Variants in MAP3K4 observed in about 807,000 individuals in gnomAD.
MAP3K4 encodes the protein mitogen-activated protein kinase kinase kinase 4.
MAP3K4 carries 67 observed loss-of-function variants against 185.6 expected under a neutral mutation model. The ratio of observed to expected loss-of-function variants is 0.36; its 90% confidence interval spans 0.30 to 0.44. The LOEUF (loss-of-function observed/expected upper bound fraction) is 0.44, where lower values mean the gene tolerates loss of function less well. MAP3K4 is among the 20% of genes least tolerant of loss of function. The pLI is 1.00. For synonymous variants in MAP3K4, 702 were observed against 710.4 expected (o/e 0.99, Z 0.19); for missense variants, 1,551 against 1,995.1 (o/e 0.78, Z 4.24).
chr6:161,008,293 T>C lies in MAP3K4; in HGVS notation c.152+16210T>C, dbSNP rs1220342339. ...AGGATGTTTCTGTTTCTTTTACTGT[T>C]ATGAATGAGGTTAAAAGCATTGTTT... On this transcript the variant is annotated intron_variant, in intron 1 of 26. Coordinates refer to ENST00000392142, the MANE Select transcript of MAP3K4 (RefSeq NM_005922.4). The surrounding 1 kb of genome is among the most constrained non-coding windows in gnomAD (Gnocchi z 4.1). 6.6e-6 allele frequency among the ~76,000 whole-genome samples: 1 copy of C among 152,214 alleles called. No individual in the cohort carries two copies. The highest frequency in any genetic ancestry group is 6.5e-5 in the Admixed American group (1 of 15,284).
chr6:161,031,541 C>T (rs1403714198), intron 1 of MAP3K4, among the ~76,000 whole-genome samples: 5 of 152,018 alleles, frequency 3.3e-5, no homozygotes, highest in Admixed American at 1.3e-4. Flanking sequence ...TAGATCGTGA[C>T]GCTCCTCAGG....
At chr6:160,992,523 T>C (rs553238009) in intron 1 of MAP3K4, among the ~76,000 whole-genome samples, 1 of 152,300 alleles carries the variant, frequency 6.6e-6, no homozygotes, top group South Asian at 2.1e-4. Context: ...GTACTGGCTA[T>C]TTCCCCGCGT....
chr6:161,113,681 A>C (rs1391883022), intron 25 of MAP3K4, among the ~76,000 whole-genome samples: 1 of 152,162 alleles, frequency 6.6e-6, no homozygotes, highest in Non-Finnish European at 1.5e-5. Context: ...AAACTGCTCT[A>C]AAAAGATTGT....
rs904578430 is a variant in MAP3K4 at position 161,112,017 on chromosome 6, G to T, written c.4519+59G>T. On this transcript the variant is annotated intron_variant, in intron 24 of 26. Coordinates refer to ENST00000392142, the MANE Select transcript of MAP3K4 (RefSeq NM_005922.4). This position sits in a 1 kb window ranked among gnomAD's most constrained non-coding sequence, Gnocchi z 5.1. ...ACTTCATGCAGCCTGCTTGGGGCCT[G>T]CATGTTCCCTTCACCTTTGTTTGTC... 6.3e-7 allele frequency: 1 copy of T among 1,591,728 alleles called. No individual in the cohort carries two copies. Among genetic ancestry groups the T allele is most frequent in the South Asian group, 1.1e-5 (1 of 86,992 alleles).
intron 1 of MAP3K4, among the ~76,000 whole-genome samples, chr6:161,032,238 T>C (rs1782963652): frequency 6.6e-6 from 1 of 152,176 alleles, no homozygotes; most frequent in African/African-American, 2.4e-5. Context: ...ATGTTAAAAG[T>C]GCTTCCAGGC....
chr6:161,008,907 A>T lies in MAP3K4; in HGVS notation c.152+16824A>T, dbSNP rs1194958762. Among the ~76,000 whole-genome samples the T allele has an allele frequency of 6.6e-6, 1 of 151,756 alleles. No individual in the cohort carries two copies. The highest frequency in any genetic ancestry group is 1.5e-5 in the Non-Finnish European group (1 of 67,958). The stretch of plus-strand genomic sequence containing the variant: ...AATACTTGTTACTGCAAAATGTGTA[A>T]CATTTTGCTCAATGGGTATAATGTT... On this transcript the variant is annotated intron_variant, in intron 1 of 26. Coordinates refer to ENST00000392142, the MANE Select transcript of MAP3K4 (RefSeq NM_005922.4). The surrounding 1 kb of genome is among the most constrained non-coding windows in gnomAD (Gnocchi z 4.1).
Position 161,074,991 on chromosome 6 carries a change from G to A in MAP3K4, c.2097+1379G>A, listed in dbSNP as rs1465828838. Among the ~76,000 whole-genome samples the A allele has an allele frequency of 1.3e-5, 2 of 152,178 alleles. No individual in the cohort carries two copies. Among genetic ancestry groups the A allele is most frequent in the Non-Finnish European group, 2.9e-5 (2 of 68,034 alleles). On this transcript the variant is annotated intron_variant, in intron 5 of 26. Coordinates refer to ENST00000392142, the MANE Select transcript of MAP3K4 (RefSeq NM_005922.4). This position sits in a 1 kb window ranked among gnomAD's most constrained non-coding sequence, Gnocchi z 5.0. ...TGCCATGGAGGCTGGGAATGCACAT[G>A]TTGAGCTTTCCAGCCTCTGTAGTAG... is the stretch of plus-strand genomic sequence containing the variant.
chr6:161,027,795 C>T (rs1415725939), intron 1 of MAP3K4, among the ~76,000 whole-genome samples: 1 of 152,144 alleles, frequency 6.6e-6, no homozygotes, highest in Non-Finnish European at 1.5e-5. Context: ...AAATAAAAAC[C>T]ATTTATTAGC....
At chr6:161,000,639 TCA>T (rs916915699) in intron 1 of MAP3K4, among the ~76,000 whole-genome samples, 4 of 152,130 alleles carry the variant, frequency 2.6e-5, no homozygotes, top group African/African-American at 9.7e-5. Flanking sequence ...TTAAAATTTT[TCA>T]CATAGAGCAG....
In MAP3K4 at chr6:161,012,763, A is replaced by G. The variant is rs559098941; in HGVS notation, c.152+20680A>G. Among the ~76,000 whole-genome samples the G allele has an allele frequency of 4.9e-4, 74 of 152,338 alleles. 1 individual carries two copies. Among genetic ancestry groups the G allele is most frequent in the African/African-American group, 1.5e-3 (64 of 41,576 alleles). ...AATAGTAGTTTATTACAGCAGTAAG[A>G]GAGATCACAGGAATGATTAATTGCC... On this transcript the variant is annotated intron_variant, in intron 1 of 26. Coordinates refer to ENST00000392142, the MANE Select transcript of MAP3K4 (RefSeq NM_005922.4).
At position 161,022,111 on chromosome 6, in the gene MAP3K4, C is replaced by G. The variant is rs866261514; in HGVS notation, c.153-12148C>G. ...GTTTTCTATTTCAACACACGCACAC[C>G]GGCACACACCCAGGCTCATGTGAAA... is the stretch of plus-strand genomic sequence containing the variant. On this transcript the variant is annotated intron_variant, in intron 1 of 26. Coordinates refer to ENST00000392142, the MANE Select transcript of MAP3K4 (RefSeq NM_005922.4). This position sits in a 1 kb window ranked among gnomAD's most constrained non-coding sequence, Gnocchi z 4.2. The G allele has an allele frequency of 1.3e-5, 2 of 152,136 alleles. No individual in the cohort carries two copies. Among genetic ancestry groups the G allele is most frequent in the Non-Finnish European group, 2.9e-5 (2 of 68,034 alleles). 9.4% of individuals were successfully genotyped at this position (152,136 alleles called of 1,614,324 possible). A position where few individuals can be genotyped will look rare whatever the true frequency, so the allele number is the denominator to read the frequency against.
At position 161,060,835 on chromosome 6, in the gene MAP3K4, G is replaced by A. The variant is rs9355868; in HGVS notation, c.1708-9773G>A. On this transcript the variant is annotated intron_variant, in intron 3 of 26. Coordinates refer to ENST00000392142, the MANE Select transcript of MAP3K4 (RefSeq NM_005922.4). The stretch of plus-strand genomic sequence containing the variant: ...GGGTTTACACCATGTTGGCCAGCCC[G>A]GTCTCAAACTCTGACCTCAAGTGAT... Among the ~76,000 whole-genome samples, 16 of 152,026 alleles carry A rather than the reference G, an allele frequency of 1.1e-4. No homozygotes were observed. In the East Asian group the frequency reaches 2.9e-3, roughly 28 times the overall value.
rs1225273722 is a variant in MAP3K4 at position 161,088,775 on chromosome 6, C to G, written c.2824-547C>G. On this transcript the variant is annotated intron_variant, in intron 10 of 26. Transcript: ENST00000392142. The surrounding 1 kb of genome is among the most constrained non-coding windows in gnomAD (Gnocchi z 4.5). The stretch of plus-strand genomic sequence containing the variant: ...GACTTTGAGTTTCCCTGCTTCAAAC[C>G]TCACCTTCTGTCTCTCCAATTCTGT... 5.3e-5 allele frequency among the ~76,000 whole-genome samples: 8 copies of G among 152,148 alleles called. No homozygotes were observed.
intron 3 of MAP3K4, among the ~76,000 whole-genome samples, chr6:161,062,435 A>G (rs1406500393): frequency 6.6e-6 from 1 of 152,132 alleles, no homozygotes; most frequent in Non-Finnish European, 1.5e-5. Context: ...AGACATGTAG[A>G]TAGAAGTTTC....
At position 161,106,211 on chromosome 6, in the gene MAP3K4, A is replaced by C. The variant is rs1396619420; in HGVS notation, c.3857-303A>C. ...AATAATATGGCAAACAAGAGTGTGGAATGGAGAGAGGAGAAACTAGAGACA... is the reference window on the plus strand; with the variant it reads ...AATAATATGGCAAACAAGAGTGTGGCATGGAGAGAGGAGAAACTAGAGACA... On this transcript the variant is annotated intron_variant, in intron 19 of 26. Coordinates refer to ENST00000392142, the MANE Select transcript of MAP3K4 (RefSeq NM_005922.4). This position sits in a 1 kb window ranked among gnomAD's most constrained non-coding sequence, Gnocchi z 4.9. Among the ~76,000 whole-genome samples, 1 of 152,140 alleles carries C rather than the reference A, an allele frequency of 6.6e-6. No homozygotes were observed. Among genetic ancestry groups the C allele is most frequent in the Non-Finnish European group, 1.5e-5 (1 of 68,020 alleles).
In MAP3K4 at chr6:161,048,819, G is replaced by A. The variant is rs1273532666; in HGVS notation, c.547G>A (p.Asp183Asn). Residue 183 changes from aspartate to asparagine, a missense_variant, in exon 3 of 27, where the codon GAT (aspartate) becomes AAT (asparagine). Physicochemically the swap from Asp to Asn is conservative, Grantham distance 23. This residue lies in a region of MAP3K4 where 287 missense variants were observed against 268.8 expected (regional missense o/e 1.07). Transcript: ENST00000392142. This position sits in a 1 kb window ranked among gnomAD's most constrained non-coding sequence, Gnocchi z 4.7. The stretch of plus-strand genomic sequence containing the variant: ...GCCAAAAAAATCAATTCCAGATGTG[G>A]ATCTCAATAAGCCTTACCTCAGCCT... ...SLPKKSIPDVDLNKPYLSLGC... is the reference protein window; with the variant it reads ...SLPKKSIPDVNLNKPYLSLGC... 1 of 1,614,038 alleles carries A rather than the reference G, an allele frequency of 6.2e-7. No homozygotes were observed. The highest frequency in any genetic ancestry group is 8.5e-7 in the Non-Finnish European group (1 of 1,180,046).
Position 161,067,037 on chromosome 6 carries a change from A to T in MAP3K4, c.1708-3571A>T, listed in dbSNP as rs1256595062. Among the ~76,000 whole-genome samples, 3 of 152,234 alleles carry T rather than the reference A, an allele frequency of 2.0e-5. No individual in the cohort carries two copies. The highest frequency in any genetic ancestry group is 6.5e-5 in the Admixed American group (1 of 15,284). Reference sequence around the variant, plus strand: ...CAGCGTCTAAAGCCTTTACTTACACATACCTTAAGCTGTTAACCCTGAATA... The same window carrying T: ...CAGCGTCTAAAGCCTTTACTTACACTTACCTTAAGCTGTTAACCCTGAATA... On this transcript the variant is annotated intron_variant, in intron 3 of 26. Coordinates refer to ENST00000392142, the MANE Select transcript of MAP3K4 (RefSeq NM_005922.4). This position sits in a 1 kb window ranked among gnomAD's most constrained non-coding sequence, Gnocchi z 6.3.
chr6:161,081,524 G>T (rs1279952603), intron 6 of MAP3K4, among the ~76,000 whole-genome samples: 2 of 152,172 alleles, frequency 1.3e-5, no homozygotes, highest in Admixed American at 6.5e-5. Context: ...CATTTTTACT[G>T]CCACTGTTTG....
Position 161,034,374 on chromosome 6 carries a change from C to G in MAP3K4, c.268C>G (p.Arg90Gly), listed in dbSNP as rs370191115. Reference sequence around the variant, plus strand: ...TGGTACCTCTCCCCCCAGCACACCTCGACAGATGAAACGCATGTCAACCAA... The same window carrying G: ...TGGTACCTCTCCCCCCAGCACACCTGGACAGATGAAACGCATGTCAACCAA... ...LYGTSPPSTPRQMKRMSTKHQ... is the reference protein window; with the variant it reads ...LYGTSPPSTPGQMKRMSTKHQ... Residue 90 changes from arginine (R) to glycine (G), a missense_variant, in exon 2 of 27, where the codon CGA becomes GGA. Arg to Gly is a moderately radical substitution (Grantham distance 125, BLOSUM62 -2). Around this residue, in one of 16 missense-constraint regions of MAP3K4, gnomAD observed 287 missense variants for 268.8 expected, o/e 1.07. Coordinates refer to ENST00000392142, the MANE Select transcript of MAP3K4 (RefSeq NM_005922.4). The surrounding 1 kb of genome is among the most constrained non-coding windows in gnomAD (Gnocchi z 4.4). 5 of 1,613,668 alleles carry G rather than the reference C, an allele frequency of 3.1e-6. No homozygotes were observed. The African/African-American group carries it at 4.0e-5, about 13-fold the overall frequency.
Sources: gnomAD v4.1 joint callset for allele counts (sites outside exome capture counted in the v4.1 genomes callset) on GRCh38, gnomAD v4.1.1 for gene constraint, gnomAD v4.1.1 regional missense constraint, Gnocchi (gnomAD v3.1) non-coding constraint, MANE v1.5 for transcripts, NCBI Gene and HGNC (gene_info 2026-07-23, HGNC 2026-07-21) for gene names.